The following DIP2A variants were observed in gnomAD, a reference collection of about 807,000 sequenced individuals.
DIP2A encodes DIP2 acetate--CoA ligase A.
A neutral mutation model predicts 177.4 loss-of-function variants in DIP2A; 85 were observed. The ratio of observed to expected loss-of-function variants is 0.48; its 90% CI spans 0.40 to 0.57. The LOEUF is 0.57. DIP2A is among the 20% of genes least tolerant of loss of function. The pLI, the probability that DIP2A is intolerant of heterozygous loss-of-function variation, is 0.00. For synonymous variants in DIP2A, 886 were observed against 881.8 expected (o/e 1.00, Z -0.08); for missense variants, 1,791 against 2,100.2 (o/e 0.85, Z 2.88).
chr21:46,477,543 T>TTTTTTGTGTGTGTG (rs374607636), intron 1 of DIP2A, among the ~76,000 whole-genome samples: 4 of 87,124 alleles, frequency 4.6e-5, no homozygotes, highest in South Asian at 4.4e-4. Context: ...AAAAAAAGAT[T>TTTTTTGTGTGTGTG]TGTGTGTGTG....
Position 46,549,841 on chromosome 21 carries a change from G to A in DIP2A, c.2593G>A (p.Ala865Thr). ...IVLVAEQRPD[A>T]SEEDSFQWMS... ...CCTGGTGGCTGAGCAGCGGCCGGAT[G>A]CCTCGGAGGAGGACAGCTTCCAGTG... Residue 865 changes from alanine (A) to threonine (T), a missense_variant, in exon 22 of 38, where the codon GCC (alanine) becomes ACC (threonine). By Grantham distance (58) the Ala-to-Thr change is moderately conservative (BLOSUM62 0). Coordinates refer to ENST00000417564, the MANE Select transcript of DIP2A (RefSeq NM_015151.4). 6.2e-7 allele frequency: 1 copy of A among 1,613,132 alleles called. No individual in the cohort carries two copies. Among genetic ancestry groups the A allele is most frequent in the Non-Finnish European group, 8.5e-7 (1 of 1,179,996 alleles).
At chr21:46,497,206 C>T in intron 4 of DIP2A, 99 bp downstream of exon 4, 1 of 1,421,256 alleles carries the variant, frequency 7.0e-7, no homozygotes, top group Non-Finnish European at 9.4e-7. Context: ...TCCGTCTGGC[C>T]TGTAGTATAG....
chr21:46,498,814 C>T lies in DIP2A; in HGVS notation c.636C>T (p.Leu212=), dbSNP rs763661954. The change falls in exon 5 of 38, where the codon CTC becomes CTT. Residue 212 remains leucine, a synonymous_variant. Transcript: ENST00000417564. The surrounding 1 kb of genome is among the most constrained non-coding windows in gnomAD (Gnocchi z 4.3). ...CCGCTACCACTGCACTCGCAGGCCTCGAGGCCCACACCCACATAGGTCAGT... is the reference window on the plus strand; with the variant it reads ...CCGCTACCACTGCACTCGCAGGCCTTGAGGCCCACACCCACATAGGTCAGT... ...GAAATTALAG[L]EAHTHIDLHS... is the part of the protein sequence containing the mutation. 23 of 1,613,342 alleles carry T rather than the reference C, an allele frequency of 1.4e-5. No individual in the cohort carries two copies. Among genetic ancestry groups the T allele is most frequent in the East Asian group, 6.7e-5 (3 of 44,872 alleles).
rs750225293 is a variant in DIP2A at position 46,557,697 on chromosome 21, T to G, written c.3742T>G (p.Tyr1248Asp). 7.4e-6 allele frequency: 12 copies of G among 1,613,544 alleles called. No individual in the cohort carries two copies. Among genetic ancestry groups the G allele is most frequent in the Non-Finnish European group, 1.0e-5 (12 of 1,179,812 alleles). ...QYKARVTFCS[Y>D]SVMEMCTKGL... is the part of the protein sequence containing the mutation. ...CAAGGCCCGCGTCACCTTCTGCTCC[T>G]ACTCTGTGATGGAGATGTGCACCAA... The change falls in exon 31 of 38, where the codon TAC (tyrosine) becomes GAC (aspartate). Residue 1248 changes from tyrosine (Y) to aspartate (D), a missense_variant. Coordinates refer to ENST00000417564, the MANE Select transcript of DIP2A (RefSeq NM_015151.4). The surrounding 1 kb of genome is among the most constrained non-coding windows in gnomAD (Gnocchi z 6.0).
In DIP2A at chr21:46,554,524, G is replaced by GTGGGAGCC; in HGVS notation, c.3155-49_3155-42dup. Reference sequence around the variant, plus strand: ...TCGCAGGAACAGTGAACAGAGGCTGGTGGGAGCCTCTTGCGGCCGGCCTCC... The same window carrying GTGGGAGCC: ...TCGCAGGAACAGTGAACAGAGGCTGGTGGGAGCCTGGGAGCCTCTTGCGGCCGGCCTCC... On this transcript the variant is annotated intron_variant, in intron 26 of 37. Transcript: ENST00000417564. 2.5e-6 allele frequency: 4 copies of GTGGGAGCC among 1,596,538 alleles called. 1 individual carries two copies. In the South Asian group the frequency reaches 3.4e-5, roughly 13 times the overall value.
intron 1 of DIP2A, among the ~76,000 whole-genome samples, chr21:46,478,503 C>T (rs756070591): frequency 2.6e-5 from 4 of 152,292 alleles, no homozygotes; most frequent in African/African-American, 4.8e-5. Context: ...TGAGCCACCA[C>T]GCCTGGCAAA....
intron 1 of DIP2A, chr21:46,462,661 A>G (rs577389309): frequency 6.6e-6 from 1 of 152,332 alleles, no homozygotes; most frequent in African/African-American, 2.4e-5. Flanking sequence ...ATTCACATTT[A>G]TCTAAGTGAG....
At chr21:46,530,466 A>G (rs1172369912) in intron 9 of DIP2A, among the ~76,000 whole-genome samples, 1 of 152,232 alleles carries the variant, frequency 6.6e-6, no homozygotes, top group Non-Finnish European at 1.5e-5. Context: ...CAACAAGGAA[A>G]GCTAGATACA....
Position 46,558,189 on chromosome 21 carries a change from G to A in DIP2A, c.3799-34G>A, listed in dbSNP as rs763175823. On this transcript the variant is annotated intron_variant, in intron 31 of 37. Transcript: ENST00000417564. ...CAGGGCCCTGGCAACTCACTGAGCT[G>A]TGGCCGTGGCCTGACCGCTCACCCC... The A allele has an allele frequency of 3.2e-6, 5 of 1,582,754 alleles. No individual in the cohort carries two copies. In the South Asian group the frequency reaches 5.7e-5, roughly 18 times the overall value.
chr21:46,545,010 C>T (rs2059971934), intron 18 of DIP2A, 127 bp from the exon 19 acceptor site: 1 of 796,026 alleles, frequency 1.3e-6, no homozygotes, highest in African/African-American at 1.8e-5. Context: ...CATAAAACTC[C>T]TTATAAGAAG....
chr21:46,518,096 G>A (rs1226123974), intron 8 of DIP2A, among the ~76,000 whole-genome samples: 2 of 152,206 alleles, frequency 1.3e-5, no homozygotes, highest in African/African-American at 2.4e-5. Context: ...GCGGGTAGTT[G>A]TAATTCATTT....
intron 1 of DIP2A, among the ~76,000 whole-genome samples, chr21:46,460,847 C>T (rs550617407): frequency 6.6e-6 from 1 of 152,034 alleles, no homozygotes; most frequent in African/African-American, 2.4e-5. Flanking sequence ...GGGCTTGCCA[C>T]CACGCCCAGC....
At chr21:46,571,932 C>T (rs1281754303), downstream of DIP2A, among the ~76,000 whole-genome samples, 1 of 152,172 alleles carries the variant, frequency 6.6e-6, no homozygotes, top group East Asian at 1.9e-4. Flanking sequence ...ACTTCCAATA[C>T]TATGTTGAGT....
chr21:46,576,145 T>G, the DIP2A span, among the ~76,000 whole-genome samples: 1 of 152,186 alleles, frequency 6.6e-6, no homozygotes, highest in Non-Finnish European at 1.5e-5. Flanking sequence ...ATTTTTAAGT[T>G]CTAGGGTACA....
chr21:46,462,825 A>T (rs894643084), intron 1 of DIP2A: 1 of 152,202 alleles, frequency 6.6e-6, no homozygotes, highest in Non-Finnish European at 1.5e-5. Flanking sequence ...GCCTGTTGAA[A>T]GTATCCTCTG....
At chr21:46,564,019 C>G in intron 35 of DIP2A, 87 bp downstream of exon 35, 3 of 1,459,480 alleles carry the variant, frequency 2.1e-6, no homozygotes, top group Middle Eastern at 3.6e-4. Flanking sequence ...TTTTGGAATT[C>G]TAAACTTGCC....
rs188120446 is a variant in DIP2A at position 46,483,682 on chromosome 21, A to G, written c.92-1075A>G. Among the ~76,000 whole-genome samples the G allele has an allele frequency of 1.9e-3, 297 of 152,356 alleles. 1 individual carries two copies. The highest frequency in any genetic ancestry group is 4.5e-3 in the Admixed American group (69 of 15,310). The stretch of plus-strand genomic sequence containing the variant: ...AGTCTGTTCACACAACAAATCCTAC[A>G]ATAAAAAATACATCTAAAGGAAATA... On this transcript the variant is annotated intron_variant, in intron 1 of 37. Coordinates refer to ENST00000417564, the MANE Select transcript of DIP2A (RefSeq NM_015151.4).
At chr21:46,519,591 T>C (rs953753732) in intron 8 of DIP2A, among the ~76,000 whole-genome samples, 1 of 152,178 alleles carries the variant, frequency 6.6e-6, no homozygotes, top group Non-Finnish European at 1.5e-5. Context: ...AGCATCAGTA[T>C]GGTGAGGGCC....
At chr21:46,530,458 A>G (rs2148747370) in intron 9 of DIP2A, among the ~76,000 whole-genome samples, 1 of 152,342 alleles carries the variant, frequency 6.6e-6, no homozygotes, top group Middle Eastern at 3.4e-3. Context: ...AGAGGAAACA[A>G]CAAGGAAAGC....
Sources: allele counts gnomAD v4.1 joint callset (sites outside exome capture counted in the v4.1 genomes callset), GRCh38; gene constraint gnomAD v4.1.1; non-coding constraint Gnocchi (gnomAD v3.1); transcripts MANE v1.5; gene names NCBI Gene and HGNC (gene_info 2026-07-23, HGNC 2026-07-21).